Variants in PCDHGA9 observed in about 807,000 individuals in gnomAD.
PCDHGA9 encodes the protein protocadherin gamma subfamily A, 9.
In PCDHGA9, 37 loss-of-function variants were observed where a neutral mutation model predicts 62.5. The observed-to-expected ratio is 0.59, with a 90% CI of 0.46 to 0.78. The LOEUF is 0.78. Ranked by LOEUF, PCDHGA9 falls within the 30% of genes least tolerant of loss-of-function variation. The pLI is 0.00. For synonymous variants in PCDHGA9, 459 were observed against 484.6 expected (o/e 0.95, Z 0.69); for missense variants, 1,138 against 1,166.2 (o/e 0.98, Z 0.35).
chr5:141,446,130 CTT>C (rs1191897284), intron 1 of PCDHGA9, among the ~76,000 whole-genome samples: 2 of 152,076 alleles, frequency 1.3e-5, no homozygotes, highest in African/African-American at 4.8e-5. Context: ...TTCAATAAGA[CTT>C]AATAATGGAA....
intron 2 of PCDHGA9, among the ~76,000 whole-genome samples, chr5:141,501,109 C>T (rs909874167): frequency 2.0e-5 from 3 of 152,106 alleles, no homozygotes; most frequent in South Asian, 2.1e-4. Context: ...CCTCGTGATC[C>T]GCCTGCCTCA....
Position 141,512,554 on chromosome 5 carries a change from T to TAG in PCDHGA9, c.*1383_*1384dup, listed in dbSNP as rs2099884300. ...AAGTTCCCCAGTGCCTCCTTGTGCA[T>TAG]AGACCTTCTTCTCCCACCCCCTTCT... is the stretch of plus-strand genomic sequence containing the variant. On this transcript the variant is annotated 3_prime_UTR_variant, in exon 4 of 4. Coordinates refer to ENST00000573521, the MANE Select transcript of PCDHGA9 (RefSeq NM_018921.3). 6.5e-6 allele frequency: 1 copy of TAG among 153,012 alleles called. No homozygotes were observed. Among genetic ancestry groups the TAG allele is most frequent in the Non-Finnish European group, 1.5e-5 (1 of 68,482 alleles). 9.5% of individuals were successfully genotyped at this position (153,012 alleles called of 1,614,324 possible).
Position 141,403,510 on chromosome 5 carries a change from C to T in PCDHGA9, c.558C>T (p.Asp186=), listed in dbSNP as rs201146573. ...HHFSLNVQTG[D]NGAINPELVL... is the part of the protein sequence containing the mutation. ...TCTCCCTGAACGTGCAGACTGGAGA[C>T]AATGGAGCCATAAACCCAGAGCTGG... The change falls in exon 1 of 4, where the codon GAC becomes GAT. Residue 186 remains aspartate, a synonymous_variant. Transcript: ENST00000573521. 9.2e-4 allele frequency: 1,478 copies of T among 1,614,022 alleles called. 1 individual carries two copies. Among genetic ancestry groups the T allele is most frequent in the Non-Finnish European group, 1.2e-3 (1,414 of 1,179,888 alleles).
At position 141,491,070 on chromosome 5, in the gene PCDHGA9, G is replaced by T. The variant is rs1405880268; in HGVS notation, c.2425-3737G>T. On this transcript the variant is annotated intron_variant, in intron 1 of 3. Transcript: ENST00000573521. The surrounding 1 kb of genome is among the most constrained non-coding windows in gnomAD (Gnocchi z 6.9). ...ATGCGTGGCTCTCCTACTCACTGTTGCCACAGTCCACAGCCCCAGGACTGT... is the reference window on the plus strand; with the variant it reads ...ATGCGTGGCTCTCCTACTCACTGTTTCCACAGTCCACAGCCCCAGGACTGT... 6.2e-7 allele frequency: 1 copy of T among 1,614,162 alleles called. No homozygotes were observed. Among genetic ancestry groups the T allele is most frequent in the Non-Finnish European group, 8.5e-7 (1 of 1,180,038 alleles).
At chr5:141,450,998 T>C (rs2098703513) in intron 1 of PCDHGA9, among the ~76,000 whole-genome samples, 1 of 151,696 alleles carries the variant, frequency 6.6e-6, no homozygotes, top group Non-Finnish European at 1.5e-5. Flanking sequence ...CTAATTTTTT[T>C]GTATTTTTTT....
chr5:141,417,618 G>A (rs370911891), intron 1 of PCDHGA9: 3 of 654,230 alleles, frequency 4.6e-6, no homozygotes, highest in Non-Finnish European at 7.4e-6. Context: ...CCAGTGCAGA[G>A]CAAGCGCTGA....
Position 141,485,465 on chromosome 5 carries a change from C to A in PCDHGA9, c.2425-9342C>A, listed in dbSNP as rs2099614061. 6.2e-7 allele frequency: 1 copy of A among 1,614,044 alleles called. No homozygotes were observed. Among genetic ancestry groups the A allele is most frequent in the African/African-American group, 1.3e-5 (1 of 74,918 alleles). ...AATCGACCGAGAGGCACTGTGTGGG[C>A]TCAGTGCCAGCTGCATCGTGCCCCT... On this transcript the variant is annotated intron_variant, in intron 1 of 3. Transcript: ENST00000573521. This position sits in a 1 kb window ranked among gnomAD's most constrained non-coding sequence, Gnocchi z 5.7.
intron 1 of PCDHGA9, among the ~76,000 whole-genome samples, chr5:141,444,735 C>G (rs924159168): frequency 6.6e-6 from 1 of 152,116 alleles, no homozygotes; most frequent in Admixed American, 6.5e-5. Flanking sequence ...TGTTGAAAGT[C>G]ATTTCACTGA....
intron 1 of PCDHGA9, chr5:141,421,270 C>G: frequency 6.2e-7 from 1 of 1,612,094 alleles, no homozygotes; most frequent in Non-Finnish European, 8.5e-7. Context: ...TCGGCTGCTG[C>G]TGCTGCTGTG....
rs368105487 is a variant in PCDHGA9 at position 141,489,478 on chromosome 5, A to G, written c.2425-5329A>G. On this transcript the variant is annotated intron_variant, in intron 1 of 3. Transcript: ENST00000573521. This position sits in a 1 kb window ranked among gnomAD's most constrained non-coding sequence, Gnocchi z 4.5. Reference sequence around the variant, plus strand: ...TGGGCGCTATTTTTCCCTGAGCTTGATGAGTGGTGCCCTGGCAGTGAATCA... The same window carrying G: ...TGGGCGCTATTTTTCCCTGAGCTTGGTGAGTGGTGCCCTGGCAGTGAATCA... The G allele has an allele frequency of 1.1e-5, 18 of 1,613,956 alleles. No individual in the cohort carries two copies. The highest frequency in any genetic ancestry group is 1.5e-5 in the Non-Finnish European group (18 of 1,180,030).
intron 1 of PCDHGA9, among the ~76,000 whole-genome samples, chr5:141,461,881 T>C (rs2099025428): frequency 6.6e-6 from 1 of 152,060 alleles, no homozygotes. Flanking sequence ...TGGAGTGCAA[T>C]GGCACGATCT....
chr5:141,407,601 A>G (rs886898088), intron 1 of PCDHGA9, among the ~76,000 whole-genome samples: 3 of 152,168 alleles, frequency 2.0e-5, no homozygotes, highest in African/African-American at 7.2e-5. Flanking sequence ...CATCTTAAAA[A>G]GAAGCATTGG....
At chr5:141,481,647 A>C (rs749515062) in intron 1 of PCDHGA9, among the ~76,000 whole-genome samples, 28 of 151,830 alleles carry the variant, frequency 1.8e-4, no homozygotes, top group African/African-American at 6.5e-4. Context: ...GTGAAACTTC[A>C]TCTCTACTAA....
chr5:141,490,948 G>T lies in PCDHGA9; in HGVS notation c.2425-3859G>T. 1 of 1,613,756 alleles carries T rather than the reference G, an allele frequency of 6.2e-7. No homozygotes were observed. The highest frequency in any genetic ancestry group is 8.5e-7 in the Non-Finnish European group (1 of 1,179,810). On this transcript the variant is annotated intron_variant, in intron 1 of 3. Coordinates refer to ENST00000573521, the MANE Select transcript of PCDHGA9 (RefSeq NM_018921.3). The surrounding 1 kb of genome is among the most constrained non-coding windows in gnomAD (Gnocchi z 5.4). The stretch of plus-strand genomic sequence containing the variant: ...CCCAGCTGTGCTGCACCCACGGCCA[G>T]ACTGGGAACACTCAGCCCCCCAGCG...
chr5:141,433,849 A>C (rs116534867), intron 1 of PCDHGA9, among the ~76,000 whole-genome samples: 2,948 of 152,020 alleles, frequency 0.019, 43 homozygotes, highest in African/African-American at 0.028. Context: ...AAAAAAAAAA[A>C]AAAAAACTTT....
intron 1 of PCDHGA9, among the ~76,000 whole-genome samples, chr5:141,456,876 T>C (rs188356008): frequency 1.5e-3 from 222 of 152,196 alleles, no homozygotes; most frequent in African/African-American, 5.2e-3. Flanking sequence ...GGCAGGAGAA[T>C]CGCTTGAACC....
At chr5:141,455,244 T>A (rs977940552) in intron 1 of PCDHGA9, among the ~76,000 whole-genome samples, 4 of 152,142 alleles carry the variant, frequency 2.6e-5, no homozygotes, top group Non-Finnish European at 4.4e-5. Flanking sequence ...TTAAAGGTCA[T>A]AGTACAATCG....
rs11410533 is a variant in PCDHGA9, at chr5:141,429,387, TAAAA to T, written c.2424+24016_2424+24019del. Among the ~76,000 whole-genome samples, 383 of 151,446 alleles carry T rather than the reference TAAAA, an allele frequency of 2.5e-3. 1 individual carries two copies. The highest frequency in any genetic ancestry group is 4.2e-3 in the South Asian group (20 of 4,786). ...AAATGGAGAAAATGTGTTTTTTTTT[TAAAA>T]AAAATTGAGATTAAGGTCTCATTAT... On this transcript the variant is annotated intron_variant, in intron 1 of 3. Transcript: ENST00000573521.
At chr5:141,428,455 T>C (rs898393760) in intron 1 of PCDHGA9, 61 of 361,572 alleles carry the variant, frequency 1.7e-4, no homozygotes, top group African/African-American at 1.2e-3. Context: ...TTTTCCCAAC[T>C]ACAATGAGGG....
Sources: allele counts gnomAD v4.1 joint callset (sites outside exome capture counted in the v4.1 genomes callset), GRCh38; gene constraint gnomAD v4.1.1; non-coding constraint Gnocchi (gnomAD v3.1); transcripts MANE v1.5; gene names NCBI Gene and HGNC (gene_info 2026-07-23, HGNC 2026-07-21).